IMPG1: variants seen among roughly 807,000 people sequenced by gnomAD.
The protein encoded by IMPG1 is interphotoreceptor matrix proteoglycan of 150 kDa.
In IMPG1, 85 loss-of-function variants were observed where a neutral mutation model predicts 92.0. The observed-to-expected ratio is 0.92, with a 90% CI of 0.78 to 1.11. The LOEUF is 1.11. Ranked by LOEUF, IMPG1 falls within the 50% of genes least tolerant of loss-of-function variation. The probability of loss-of-function intolerance (pLI) is 0.00; values close to 1 mark genes in which losing one functional copy is unlikely to be tolerated. For synonymous variants in IMPG1, 367 were observed against 334.1 expected (o/e 1.10, Z -1.08); for missense variants, 1,022 against 956.0 (o/e 1.07, Z -0.91).
chr6:76,029,651 T>C lies in IMPG1; in HGVS notation c.498-4393A>G, dbSNP rs537399004. Among the ~76,000 whole-genome samples, 92 of 152,318 alleles carry C rather than the reference T, an allele frequency of 6.0e-4. 1 individual carries two copies. The highest frequency in any genetic ancestry group is 1.5e-4 in the Non-Finnish European group (10 of 68,028). On this transcript the variant is annotated intron_variant, in intron 4 of 16. Coordinates refer to ENST00000369950, the MANE Select transcript of IMPG1 (RefSeq NM_001563.4). ...AATGTAGAAATCTGGATCAATATTCTGGTTCTGAGCAATTATCCTGCAAAT... is the reference window on the plus strand; with the variant it reads ...AATGTAGAAATCTGGATCAATATTCCGGTTCTGAGCAATTATCCTGCAAAT...
intron 14 of IMPG1, among the ~76,000 whole-genome samples, chr6:75,942,405 T>C (rs938597510): frequency 6.6e-6 from 1 of 152,190 alleles, no homozygotes; most frequent in African/African-American, 2.4e-5. Context: ...ATCAGGGATT[T>C]TGAGCATCAT....
intron 12 of IMPG1, among the ~76,000 whole-genome samples, chr6:75,969,454 C>T (rs561237378): frequency 6.6e-6 from 1 of 152,046 alleles, no homozygotes; most frequent in South Asian, 2.1e-4. Context: ...AAAAATAGTT[C>T]TGTGAGGCTG....
chr6:75,933,240 T>G (rs1329464716), intron 14 of IMPG1, among the ~76,000 whole-genome samples: 1 of 152,228 alleles, frequency 6.6e-6, no homozygotes, highest in Non-Finnish European at 1.5e-5. Context: ...TTTCAAGTCA[T>G]GATCAAATTG....
chr6:75,996,650 T>C (rs1782907995), intron 12 of IMPG1, among the ~76,000 whole-genome samples: 2 of 152,178 alleles, frequency 1.3e-5, no homozygotes, highest in African/African-American at 4.8e-5. Context: ...CAACAGGGAA[T>C]GACCAAGATA....
At chr6:76,043,881 A>T (rs961356604) in intron 1 of IMPG1, among the ~76,000 whole-genome samples, 1 of 152,214 alleles carries the variant, frequency 6.6e-6, no homozygotes, top group African/African-American at 2.4e-5. Context: ...TCCCCTGATG[A>T]TGGCCAGCAG....
chr6:75,924,657 A>AT lies in IMPG1; in HGVS notation c.2244-952_2244-951insA. ...ATATTATATATAATTAATTATATAT[A>AT]ATATATAATAAATTATATATTATAT... On this transcript the variant is annotated intron_variant, in intron 15 of 16. Coordinates refer to ENST00000369950, the MANE Select transcript of IMPG1 (RefSeq NM_001563.4). Among the ~76,000 whole-genome samples the AT allele has an allele frequency of 3.7e-3, 25 of 6,682 alleles. 5 individuals are homozygous for AT. The highest frequency in any genetic ancestry group is 6.5e-3 in the African/African-American group (22 of 3,368). 4.4% of individuals were successfully genotyped at this position (6,682 alleles called of 152,430 possible).
At chr6:75,964,519 A>G (rs1432198512) in intron 12 of IMPG1, among the ~76,000 whole-genome samples, 2 of 151,948 alleles carry the variant, frequency 1.3e-5, no homozygotes, top group East Asian at 3.9e-4. Context: ...TCTTCTAAAA[A>G]TACAAAGATT....
At chr6:75,968,745 A>G (rs887426898) in intron 12 of IMPG1, among the ~76,000 whole-genome samples, 3 of 152,094 alleles carry the variant, frequency 2.0e-5, no homozygotes, top group Non-Finnish European at 4.4e-5. Context: ...TTATTGCAGC[A>G]TTATTTATTG....
chr6:75,947,562 A>G (rs1234642831), intron 13 of IMPG1, 29 bp from the exon 14 acceptor site: 3 of 1,531,880 alleles, frequency 2.0e-6, no homozygotes, highest in African/African-American at 1.4e-5. Context: ...TTTCCTCTTA[A>G]CTGTGTTCTA....
intron 4 of IMPG1, among the ~76,000 whole-genome samples, chr6:76,029,315 C>T (rs1783612444): frequency 6.6e-6 from 1 of 152,204 alleles, no homozygotes; most frequent in African/African-American, 2.4e-5. Context: ...GAACAGACTT[C>T]CATCAAAGCC....
chr6:76,060,097 C>T (rs1252574338), intron 1 of IMPG1, among the ~76,000 whole-genome samples: 1 of 152,064 alleles, frequency 6.6e-6, no homozygotes, highest in Non-Finnish European at 1.5e-5. Flanking sequence ...TAACTCTTTT[C>T]CTGGGGGCAA....
intron 1 of IMPG1, among the ~76,000 whole-genome samples, chr6:76,056,596 A>G (rs1784124272): frequency 6.6e-6 from 1 of 152,142 alleles, no homozygotes; most frequent in Admixed American, 6.6e-5. Context: ...TAATTTTTTG[A>G]AGAACTTCCA....
chr6:75,931,717 A>ATT (rs1310244435), intron 14 of IMPG1, among the ~76,000 whole-genome samples: 1 of 152,192 alleles, frequency 6.6e-6, no homozygotes, highest in East Asian at 1.9e-4. Flanking sequence ...TTAGAGAGTC[A>ATT]TTCTTTTGGA....
chr6:76,007,413 A>G, intron 9 of IMPG1, 67 bp downstream of exon 9: 2 of 1,198,656 alleles, frequency 1.7e-6, no homozygotes, highest in Non-Finnish European at 2.4e-6. Context: ...TTATTTGTGC[A>G]AAATCAGTAT....
At chr6:75,968,825 A>G (rs966602935) in intron 12 of IMPG1, among the ~76,000 whole-genome samples, 1 of 152,158 alleles carries the variant, frequency 6.6e-6, no homozygotes, top group African/African-American at 2.4e-5. Context: ...AAGGCCCTCA[A>G]CCAGATGCAG....
intron 10 of IMPG1, 88 bp downstream of exon 10, chr6:76,005,199 G>C: frequency 7.3e-7 from 1 of 1,375,528 alleles, no homozygotes; most frequent in East Asian, 2.3e-5. Context: ...GAAGACCCAA[G>C]TTAAAATGAC....
intron 1 of IMPG1, among the ~76,000 whole-genome samples, chr6:76,068,230 AAAG>A (rs1394476343): frequency 2.0e-5 from 3 of 152,200 alleles, no homozygotes; most frequent in African/African-American, 4.8e-5. Context: ...CCAAATTGGA[AAAG>A]AAGGAGTCGA....
chr6:76,010,056 T>C (rs1783157434), intron 8 of IMPG1, among the ~76,000 whole-genome samples: 1 of 152,260 alleles, frequency 6.6e-6, no homozygotes, highest in Non-Finnish European at 1.5e-5. Flanking sequence ...TGGTAGATAT[T>C]AAGGGTTTCA....
At position 75,976,292 on chromosome 6, in the gene IMPG1, C is replaced by T. The variant is rs372567049; in HGVS notation, c.1292-25198G>A. Among the ~76,000 whole-genome samples, 7 of 152,262 alleles carry T rather than the reference C, an allele frequency of 4.6e-5. No homozygotes were observed. In the East Asian group the frequency reaches 9.6e-4, roughly 21 times the overall value. On this transcript the variant is annotated intron_variant, in intron 12 of 16. Transcript: ENST00000369950. ...TCAAAAGGCTGAGAGAGGCTGGGCA[C>T]GGTGGCTCACACCTGTAATCCCAGC...
Sources: allele counts gnomAD v4.1 joint callset (sites outside exome capture counted in the v4.1 genomes callset), GRCh38; gene constraint gnomAD v4.1.1; transcripts MANE v1.5; gene names NCBI Gene and HGNC (gene_info 2026-07-23, HGNC 2026-07-21).